PTK2B: variants seen among roughly 807,000 people sequenced by gnomAD.
The protein encoded by PTK2B is protein tyrosine kinase 2 beta, also known as protein-tyrosine kinase 2-beta.
In PTK2B, 71 loss-of-function variants were observed where a neutral mutation model predicts 142.9. That is an observed-to-expected ratio of 0.50 (90% CI 0.41 to 0.61). The LOEUF (loss-of-function observed/expected upper bound fraction) is 0.61. Among genes scored for constraint, PTK2B ranks in the 20% least tolerant of loss-of-function variants. The pLI is 0.00. For missense variants in PTK2B, 1,105 were observed against 1,320.4 expected, an observed-to-expected ratio of 0.84 and a Z score of 2.53; for synonymous variants, 519 against 503.4, an observed-to-expected ratio of 1.03 and a Z score of -0.42.
At chr8:27,394,441 G>A (rs1332134387) in intron 1 of PTK2B, among the ~76,000 whole-genome samples, 1 of 152,230 alleles carries the variant, frequency 6.6e-6, no homozygotes, top group African/African-American at 2.4e-5. Flanking sequence ...GAAAGGTACA[G>A]TAAAAATACA....
At chr8:27,332,185 CAG>C (rs540577750) in intron 1 of PTK2B, among the ~76,000 whole-genome samples, 137 of 152,336 alleles carry the variant, frequency 9.0e-4, no homozygotes, top group African/African-American at 3.1e-3. Flanking sequence ...GAAAGAGAGT[CAG>C]AGGGCAGGAG....
upstream of PTK2B, among the ~76,000 whole-genome samples, chr8:27,321,099 A>G (rs1342484842): frequency 6.9e-6 from 1 of 145,764 alleles, no homozygotes; most frequent in East Asian, 2.0e-4. Context: ...GGCTCAAGCA[A>G]TCCTCTTGCA....
chr8:27,402,396 C>T (rs1393593805), intron 2 of PTK2B, among the ~76,000 whole-genome samples: 2 of 152,162 alleles, frequency 1.3e-5, no homozygotes, highest in Non-Finnish European at 2.9e-5. Flanking sequence ...TTAACATCTT[C>T]ACATGGAAAT....
At chr8:27,314,315 A>G (rs1299211458) in intron 3 of PTK2B, among the ~76,000 whole-genome samples, 2 of 152,238 alleles carry the variant, frequency 1.3e-5, no homozygotes, top group African/African-American at 4.8e-5. Context: ...GCCAGGTGCC[A>G]GTGGTGGCTC....
intron 10 of PTK2B, among the ~76,000 whole-genome samples, chr8:27,433,078 C>T (rs558758122): frequency 1.1e-3 from 160 of 152,316 alleles, no homozygotes; most frequent in South Asian, 1.9e-3. Context: ...CTGCCTGCCT[C>T]GGCCTCCTAA....
chr8:27,352,816 G>C (rs1356957956), intron 1 of PTK2B, among the ~76,000 whole-genome samples: 1 of 152,176 alleles, frequency 6.6e-6, no homozygotes, highest in Non-Finnish European at 1.5e-5. Context: ...CCATAATTGT[G>C]AGGCTTCCCT....
At chr8:27,371,493 T>G (rs1487702725) in intron 1 of PTK2B, among the ~76,000 whole-genome samples, 1 of 151,924 alleles carries the variant, frequency 6.6e-6, no homozygotes, top group Non-Finnish European at 1.5e-5. Flanking sequence ...TTCTTGAGAT[T>G]CCATTTTCTC....
chr8:27,446,477 CG>C lies in PTK2B; in HGVS notation c.2340+564del, dbSNP rs1563298575. Reference sequence around the variant, plus strand: ...CACTTCCCTTGTCAGCTCTTTGTCACGGGGGGTTGTTAACTGCTGGTGAAGC... The same window carrying C: ...CACTTCCCTTGTCAGCTCTTTGTCACGGGGGTTGTTAACTGCTGGTGAAGC... On this transcript the variant is annotated intron_variant, in intron 24 of 30. Coordinates refer to ENST00000346049, the MANE Select transcript of PTK2B (RefSeq NM_173176.3). Among the ~76,000 whole-genome samples the C allele has an allele frequency of 2.0e-5, 3 of 152,190 alleles. 1 individual carries two copies. Among genetic ancestry groups the C allele is most frequent in the South Asian group, 4.2e-4 (2 of 4,814 alleles).
At chr8:27,333,507 C>T (rs1311629126) in intron 1 of PTK2B, among the ~76,000 whole-genome samples, 1 of 152,166 alleles carries the variant, frequency 6.6e-6, no homozygotes, top group Non-Finnish European at 1.5e-5. Context: ...TTGCGTAACT[C>T]AGATACTTTG....
chr8:27,370,502 G>T (rs532192186), intron 1 of PTK2B, among the ~76,000 whole-genome samples: 3 of 152,250 alleles, frequency 2.0e-5, no homozygotes, highest in Admixed American at 6.5e-5. Context: ...CTTCCGTTAC[G>T]GCCTTCATCC....
intron 20 of PTK2B, among the ~76,000 whole-genome samples, chr8:27,439,804 G>A (rs927858674): frequency 6.6e-6 from 1 of 152,176 alleles, no homozygotes; most frequent in Non-Finnish European, 1.5e-5. Context: ...AGCCAACCCT[G>A]TAGAACATTA....
chr8:27,451,704 T>TAGCACCCTGCCC (rs1811830226), intron 27 of PTK2B, 195 bp downstream of exon 27: 1 of 1,434,964 alleles, frequency 7.0e-7, no homozygotes, highest in Non-Finnish European at 9.2e-7. Flanking sequence ...TCTCCCTGCC[T>TAGCACCCTGCCC]AGCACCCTGC....
At chr8:27,426,967 T>A (rs894769956) in intron 5 of PTK2B, among the ~76,000 whole-genome samples, 1 of 152,250 alleles carries the variant, frequency 6.6e-6, no homozygotes, top group Non-Finnish European at 1.5e-5. Flanking sequence ...AAATTCTTTC[T>A]TCACAAGTCT....
Position 27,454,140 on chromosome 8 carries a change from C to T in PTK2B, c.2596-14C>T, listed in dbSNP as rs748755967. ...CTCTCCCCAACTCACTGGCCACCTG[C>T]GTCTTCCCCTCAGTCCATCCAGCCC... On this transcript the variant is annotated splice_polypyrimidine_tract_variant and intron_variant, in intron 28 of 30. Coordinates refer to ENST00000346049, the MANE Select transcript of PTK2B (RefSeq NM_173176.3). 1.7e-5 allele frequency: 28 copies of T among 1,613,736 alleles called. No homozygotes were observed. Among genetic ancestry groups the T allele is most frequent in the Middle Eastern group, 1.6e-4 (1 of 6,082 alleles).
intron 2 of PTK2B, among the ~76,000 whole-genome samples, chr8:27,408,642 T>G (rs1470179499): frequency 1.3e-5 from 2 of 152,242 alleles, no homozygotes; most frequent in African/African-American, 4.8e-5. Flanking sequence ...GCCAAAAGCC[T>G]TGGCCCCCAC....
intron 1 of PTK2B, among the ~76,000 whole-genome samples, chr8:27,369,800 C>T (rs1328152596): frequency 6.6e-6 from 1 of 152,156 alleles, no homozygotes; most frequent in Non-Finnish European, 1.5e-5. Flanking sequence ...CATGGCAAAA[C>T]CCCCTCTCTA....
intron 2 of PTK2B, among the ~76,000 whole-genome samples, chr8:27,412,340 T>C (rs751031147): frequency 1.3e-5 from 2 of 152,164 alleles, no homozygotes; most frequent in Non-Finnish European, 2.9e-5. Flanking sequence ...GGACCCACCA[T>C]GAATCACCTC....
chr8:27,392,880 T>G (rs904835036), intron 1 of PTK2B, among the ~76,000 whole-genome samples: 5 of 152,112 alleles, frequency 3.3e-5, no homozygotes, highest in Admixed American at 6.5e-5. Context: ...TATATTCTAG[T>G]GTTGAGTCCG....
chr8:27,453,637 T>C (rs1811959891), intron 28 of PTK2B, among the ~76,000 whole-genome samples: 1 of 152,198 alleles, frequency 6.6e-6, no homozygotes. Flanking sequence ...CCCAGCACTC[T>C]GGGAGGCCAC....
Sources: gnomAD v4.1 joint callset for allele counts (sites outside exome capture counted in the v4.1 genomes callset) on GRCh38, gnomAD v4.1.1 for gene constraint, MANE v1.5 for transcripts, NCBI Gene and HGNC (gene_info 2026-07-23, HGNC 2026-07-21) for gene names.